CRACR2A: variants seen among roughly 807,000 people sequenced by gnomAD.
CRACR2A encodes EF-hand calcium-binding domain-containing protein 4B.
In CRACR2A, 79 loss-of-function variants were observed where a neutral mutation model predicts 90.5. The observed-to-expected ratio is 0.87, with a 90% CI of 0.73 to 1.05. CRACR2A has a LOEUF of 1.05. CRACR2A is among the 50% of genes least tolerant of loss of function. CRACR2A has a pLI of 0.00. For missense variants in CRACR2A, 823 were observed against 897.2 expected (o/e 0.92, Z 1.06); for synonymous variants, 338 against 356.7 (o/e 0.95, Z 0.59).
At position 3,689,327 on chromosome 12, in the gene CRACR2A, G is replaced by A. The variant is rs558723957; in HGVS notation, c.228+7445C>T. On this transcript the variant is annotated intron_variant, in intron 4 of 19. Coordinates refer to ENST00000440314, the MANE Select transcript of CRACR2A (RefSeq NM_001144958.2). ...CCATTCAGTATGATGTTGGCTGTTG[G>A]TTTGCCATAGATGGCTCTTATTATT... Among the ~76,000 whole-genome samples, 12 of 152,282 alleles carry A rather than the reference G, an allele frequency of 7.9e-5. No individual in the cohort carries two copies. The South Asian group carries it at 2.3e-3, about 29-fold the overall frequency.
At chr12:3,672,967 G>A (rs553948065) in intron 7 of CRACR2A, 18 of 198,036 alleles carry the variant, frequency 9.1e-5, no homozygotes, top group African/African-American at 4.3e-4. Context: ...GGCTGATCTG[G>A]CCCTGGGGGA....
At position 3,667,589 on chromosome 12, in the gene CRACR2A, GAGA is replaced by G. The variant is rs1396672729; in HGVS notation, c.671+5854_671+5856del. The stretch of plus-strand genomic sequence containing the variant: ...GTCTCAAGAAGTCTGCTCTTTGCAA[GAGA>G]AGAACATGGAAGCAAATTCAGCCTC... On this transcript the variant is annotated intron_variant, in intron 7 of 19. Coordinates refer to ENST00000440314, the MANE Select transcript of CRACR2A (RefSeq NM_001144958.2). Among the ~76,000 whole-genome samples, 3 of 152,310 alleles carry G rather than the reference GAGA, an allele frequency of 2.0e-5. No homozygotes were observed. The East Asian group carries it at 5.8e-4, about 29-fold the overall frequency.
intron 14 of CRACR2A, among the ~76,000 whole-genome samples, chr12:3,637,770 C>T (rs74055944): frequency 5.3e-4 from 81 of 152,336 alleles, no homozygotes; most frequent in South Asian, 1.7e-3. Context: ...TAAAGGCTCT[C>T]GTGCCCCTTT....
chr12:3,622,630 A>ATGTGTG (rs141796637), intron 17 of CRACR2A, among the ~76,000 whole-genome samples: 1 of 150,434 alleles, frequency 6.6e-6, no homozygotes, highest in Non-Finnish European at 1.5e-5. Flanking sequence ...GCCTATGTGC[A>ATGTGTG]TGTGTGTGTG....
chr12:3,738,577 A>G (rs1367506863), intron 1 of CRACR2A, among the ~76,000 whole-genome samples: 1 of 152,222 alleles, frequency 6.6e-6, no homozygotes, highest in Non-Finnish European at 1.5e-5. Flanking sequence ...TCAATAATAA[A>G]TTAACCAAAA....
At chr12:3,714,012 T>C (rs920842708) in intron 2 of CRACR2A, among the ~76,000 whole-genome samples, 1 of 152,180 alleles carries the variant, frequency 6.6e-6, no homozygotes, top group Non-Finnish European at 1.5e-5. Flanking sequence ...AAAAAGGGGA[T>C]TGGGATTATC....
rs199614731 is a variant in CRACR2A, at chr12:3,619,363, C to T, written c.1942G>A (p.Gly648Arg). ...RWLSSVEEAV[G>R]DRVPVLLLGN... ...AGCAGAAGAACAGGCACCCGGTCTC[C>T]CACAGCTTCCTGCAGAACAGAAAAT... The change falls in exon 18 of 20, where the codon GGA becomes AGA. Residue 648 changes from glycine (G) to arginine (R), a missense_variant. Gly to Arg is a moderately radical substitution (Grantham distance 125). Coordinates refer to ENST00000440314, the MANE Select transcript of CRACR2A (RefSeq NM_001144958.2). The T allele has an allele frequency of 4.2e-4, 645 of 1,551,530 alleles. 2 individuals carry two copies. The highest frequency in any genetic ancestry group is 1.2e-4 in the African/African-American group (9 of 73,058).
chr12:3,752,864 TC>T (rs59924826), intron 1 of CRACR2A, among the ~76,000 whole-genome samples, 150 bp downstream of exon 1: 3 of 151,724 alleles, frequency 2.0e-5, no homozygotes, highest in Non-Finnish European at 2.9e-5. Context: ...AGCCAGCTGT[TC>T]CCCCCCAAGG....
intron 17 of CRACR2A, 124 bp downstream of exon 17, chr12:3,627,312 T>C (rs1944283240): frequency 1.4e-6 from 1 of 712,520 alleles, no homozygotes; most frequent in South Asian, 1.9e-5. Context: ...CATCAGTTTG[T>C]TCCTGGAAAA....
chr12:3,686,443 C>A (rs560627980), intron 4 of CRACR2A, among the ~76,000 whole-genome samples: 46 of 152,284 alleles, frequency 3.0e-4, no homozygotes, highest in African/African-American at 1.1e-3. Context: ...TTTGGCATAG[C>A]CAAGAATTCT....
Position 3,712,707 on chromosome 12 carries a change from T to C in CRACR2A, c.-37+530A>G, listed in dbSNP as rs1414022877. Among the ~76,000 whole-genome samples, 7 of 152,260 alleles carry C rather than the reference T, an allele frequency of 4.6e-5. No homozygotes were observed. The South Asian group carries it at 6.2e-4, about 14-fold the overall frequency. ...GACAAATATCCAAACTATTACTATA[T>C]TACTATCCCATGGGAAGTGGCTGAA... On this transcript the variant is annotated intron_variant, in intron 3 of 19. Transcript: ENST00000440314.
chr12:3,713,426 C>A, intron 2 of CRACR2A, 109 bp from the exon 3 acceptor site: 2 of 346,510 alleles, frequency 5.8e-6, no homozygotes, highest in Non-Finnish European at 8.1e-6. Context: ...TTGCTCCTAC[C>A]GCATTGCAGT....
In CRACR2A at chr12:3,679,045, C is replaced by A. The variant is rs138674902; in HGVS notation, c.394G>T (p.Val132Leu). The A allele has an allele frequency of 3.0e-5, 48 of 1,613,818 alleles. No individual in the cohort carries two copies. Among genetic ancestry groups the A allele is most frequent in the African/African-American group, 4.0e-5 (3 of 74,906 alleles). The change falls in exon 6 of 20, where the codon GTG becomes TTG. Residue 132 changes from valine to leucine, a missense_variant. Coordinates refer to ENST00000440314, the MANE Select transcript of CRACR2A (RefSeq NM_001144958.2). ...NPSQEDAGEQVAQRHEEKVYL... is the reference protein window; with the variant it reads ...NPSQEDAGEQLAQRHEEKVYL... ...ACCTTCTCTTCATGGCGCTGGGCCA[C>A]CTGTTCACCTGCATCTTCCTGACTT...
chr12:3,718,196 A>G (rs1047205799), intron 2 of CRACR2A, among the ~76,000 whole-genome samples: 2 of 152,222 alleles, frequency 1.3e-5, no homozygotes, highest in Non-Finnish European at 2.9e-5. Context: ...AGTGCTAATT[A>G]TATTATTACT....
chr12:3,645,479 T>A (rs1486497990), intron 11 of CRACR2A, among the ~76,000 whole-genome samples: 1 of 151,852 alleles, frequency 6.6e-6, no homozygotes, highest in Non-Finnish European at 1.5e-5. Context: ...TGATTTTTAC[T>A]CCAAATGAGA....
chr12:3,713,379 G>C, intron 2 of CRACR2A, 62 bp from the exon 3 acceptor site: 3 of 903,900 alleles, frequency 3.3e-6, no homozygotes, highest in Non-Finnish European at 4.0e-6. Context: ...AACAGAAGTG[G>C]CTTTATAGCA....
Position 3,639,664 on chromosome 12 carries a change from GA to G in CRACR2A, c.1272-1211del, listed in dbSNP as rs1022580502. 3.1e-4 allele frequency among the ~76,000 whole-genome samples: 47 copies of G among 149,796 alleles called. 1 individual carries two copies. The highest frequency in any genetic ancestry group is 8.3e-4 in the African/African-American group (34 of 40,844). ...AAAGATCAACAGTAGAAAGGAAAAA[GA>G]AAAAAAAATGCAGGTATCACCATCC... On this transcript the variant is annotated intron_variant, in intron 13 of 19. Transcript: ENST00000440314.
chr12:3,730,959 T>C (rs1946351420), intron 2 of CRACR2A: 1 of 152,200 alleles, frequency 6.6e-6, no homozygotes, highest in South Asian at 2.1e-4. Context: ...AAAAACACTG[T>C]ATACACCAGC....
At chr12:3,663,180 G>A (rs1409668631) in intron 7 of CRACR2A, among the ~76,000 whole-genome samples, 1 of 152,054 alleles carries the variant, frequency 6.6e-6, no homozygotes, top group East Asian at 1.9e-4. Flanking sequence ...AAATGTTAAT[G>A]CCAAAAACCT....
Sources: gnomAD v4.1 joint callset for allele counts (sites outside exome capture counted in the v4.1 genomes callset) on GRCh38, gnomAD v4.1.1 for gene constraint, MANE v1.5 for transcripts, NCBI Gene and HGNC (gene_info 2026-07-23, HGNC 2026-07-21) for gene names.